Variants in SIPA1L3 observed in about 807,000 individuals in gnomAD.
SIPA1L3 encodes signal induced proliferation associated 1 like 3.
Under a neutral mutation model 150.1 loss-of-function variants are expected in SIPA1L3, and 59 were observed. That is an observed-to-expected ratio of 0.39 (90% CI 0.32 to 0.49). SIPA1L3 has a LOEUF of 0.49. SIPA1L3 is among the 20% of genes least tolerant of loss of function. The pLI is 0.86. For synonymous variants in SIPA1L3, 1,070 were observed against 1,077.6 expected, an observed-to-expected ratio of 0.99 and a Z score of 0.14; for missense variants, 2,211 against 2,489.5, an observed-to-expected ratio of 0.89 and a Z score of 2.38.
intron 2 of SIPA1L3, among the ~76,000 whole-genome samples, chr19:38,034,207 A>G (rs1049770295): frequency 1.3e-5 from 2 of 152,120 alleles, no homozygotes; most frequent in Non-Finnish European, 2.9e-5. Flanking sequence ...AAATGAATTG[A>G]GAGTATCTGT....
At chr19:38,110,524 C>G in intron 8 of SIPA1L3, 140 bp downstream of exon 8, 1 of 579,588 alleles carries the variant, frequency 1.7e-6, no homozygotes. Flanking sequence ...CCCACACCAT[C>G]TCAGAGAGTG....
rs374630193 is a variant in SIPA1L3, at chr19:37,976,104, T to TAAAAAAAAAAA, written c.-378-52981_-378-52971dup. Among the ~76,000 whole-genome samples, 10 of 120,338 alleles carry TAAAAAAAAAAA rather than the reference T, an allele frequency of 8.3e-5. No individual in the cohort carries two copies. The East Asian group carries it at 1.5e-3, about 18-fold the overall frequency. The allele number at this position is 120,338 out of a possible 152,430, so 78.9% of individuals were successfully genotyped here. A position where few individuals can be genotyped will look rare whatever the true frequency, so the allele number is the denominator to read the frequency against. On this transcript the variant is annotated intron_variant, in intron 1 of 21. Transcript: ENST00000222345. ...TGGGTGACAGAGCAAGGCTCTGTCT[T>TAAAAAAAAAAA]AAAAAAAAAAAAAAGAAAGAAAAGA...
chr19:38,053,295 G>A (rs1461390215), intron 2 of SIPA1L3, among the ~76,000 whole-genome samples: 1 of 152,254 alleles, frequency 6.6e-6, no homozygotes, highest in Non-Finnish European at 1.5e-5. Flanking sequence ...GGCCCTTCTT[G>A]TAAAGCAGAC....
chr19:38,058,383 C>T (rs1383113707), intron 2 of SIPA1L3, among the ~76,000 whole-genome samples: 7 of 152,094 alleles, frequency 4.6e-5, no homozygotes, highest in Admixed American at 4.6e-4. Flanking sequence ...CATTCCCACA[C>T]ACCTCTCCCC....
chr19:38,154,197 C>A (rs1971891842), intron 13 of SIPA1L3, among the ~76,000 whole-genome samples: 1 of 152,190 alleles, frequency 6.6e-6, no homozygotes, highest in Non-Finnish European at 1.5e-5. Flanking sequence ...TTTGTGACAG[C>A]CAGCCAGTGA....
chr19:38,039,017 G>A (rs1475757722), intron 2 of SIPA1L3, among the ~76,000 whole-genome samples: 1 of 152,018 alleles, frequency 6.6e-6, no homozygotes, highest in East Asian at 1.9e-4. Flanking sequence ...CTGAGTAGCT[G>A]GACCACAGGC....
intron 18 of SIPA1L3, among the ~76,000 whole-genome samples, chr19:38,194,636 G>A (rs1972880452): frequency 6.6e-6 from 1 of 152,182 alleles, no homozygotes; most frequent in Admixed American, 6.5e-5. Flanking sequence ...CTACCCCAAG[G>A]GTCTCAGCTG....
chr19:38,065,046 C>T (rs190325297), intron 2 of SIPA1L3, among the ~76,000 whole-genome samples: 11 of 152,338 alleles, frequency 7.2e-5, no homozygotes, highest in East Asian at 3.9e-4. Context: ...CATCTCTCTA[C>T]GCAGGCGTGT....
intron 1 of SIPA1L3, among the ~76,000 whole-genome samples, chr19:38,019,786 A>G (rs1411230072): frequency 6.6e-6 from 1 of 152,128 alleles, no homozygotes; most frequent in Non-Finnish European, 1.5e-5. Flanking sequence ...ATCACCAGCT[A>G]TAAGAATAAT....
intron 17 of SIPA1L3, 30 bp downstream of exon 17, chr19:38,192,340 C>T: frequency 6.5e-7 from 1 of 1,550,280 alleles, no homozygotes; most frequent in Non-Finnish European, 8.7e-7. Context: ...CCGCTCCCGA[C>T]CCCCAGCTCC....
At chr19:37,992,632 C>T (rs1165236182) in intron 1 of SIPA1L3, among the ~76,000 whole-genome samples, 4 of 142,742 alleles carry the variant, frequency 2.8e-5, no homozygotes, top group African/African-American at 1.1e-4. Context: ...GCCTGGGCAA[C>T]AAAGTGACAC....
intron 1 of SIPA1L3, among the ~76,000 whole-genome samples, chr19:37,911,298 C>T (rs1257187240): frequency 2.0e-5 from 3 of 151,686 alleles, no homozygotes; most frequent in African/African-American, 7.3e-5. Flanking sequence ...TCCTCCCATA[C>T]CATTCCCCAA....
intron 3 of SIPA1L3, among the ~76,000 whole-genome samples, chr19:38,084,775 G>T (rs990931093): frequency 6.6e-6 from 1 of 151,694 alleles, no homozygotes; most frequent in Non-Finnish European, 1.5e-5. Flanking sequence ...GAGTAGCTGG[G>T]ATTACAGGCG....
At chr19:38,016,117 A>G (rs1169792387) in intron 1 of SIPA1L3, among the ~76,000 whole-genome samples, 1 of 152,186 alleles carries the variant, frequency 6.6e-6, no homozygotes, top group Non-Finnish European at 1.5e-5. Flanking sequence ...AATGATTTAG[A>G]ATTTCAAGAT....
intron 4 of SIPA1L3, among the ~76,000 whole-genome samples, chr19:38,093,555 C>T (rs1439177260): frequency 1.3e-5 from 2 of 152,144 alleles, no homozygotes; most frequent in Non-Finnish European, 2.9e-5. Flanking sequence ...ATGTTCCTTC[C>T]CAGGAGGTCA....
rs1440493344 is a variant in SIPA1L3 at position 38,149,303 on chromosome 19, G to A, written c.3534-3537G>A. ...GTCTTCCCTTGGGAGGCTGAGGAAA[G>A]AGAATATCGCTTGAACCCTGGAAGT... On this transcript the variant is annotated intron_variant, in intron 12 of 21. Coordinates refer to ENST00000222345, the MANE Select transcript of SIPA1L3 (RefSeq NM_015073.3). Among the ~76,000 whole-genome samples, 4 of 152,304 alleles carry A rather than the reference G, an allele frequency of 2.6e-5. 1 individual carries two copies. In the South Asian group the frequency reaches 8.3e-4, roughly 32 times the overall value.
At chr19:38,138,910 A>AAAAAAAAAAAAAAAAAAAAAAAAAAC (rs1343348254) in intron 10 of SIPA1L3, among the ~76,000 whole-genome samples, 1 of 112,786 alleles carries the variant, frequency 8.9e-6, no homozygotes, top group African/African-American at 3.8e-5. Context: ...AAAAAAAAAA[A>AAAAAAAAAAAAAAAAAAAAAAAAAAC]AAAAACTGAG....
intron 2 of SIPA1L3, among the ~76,000 whole-genome samples, chr19:38,034,864 G>C (rs1195239853): frequency 6.6e-6 from 1 of 152,148 alleles, no homozygotes; most frequent in Non-Finnish European, 1.5e-5. Flanking sequence ...TTTCTCTGGA[G>C]GTCTGCTGGT....
chr19:38,184,104 T>C (rs546949562), intron 16 of SIPA1L3, among the ~76,000 whole-genome samples: 1 of 152,204 alleles, frequency 6.6e-6, no homozygotes, highest in South Asian at 2.1e-4. Flanking sequence ...GAGGTTCAGT[T>C]CTAAGTGGTT....
Sources: allele counts gnomAD v4.1 joint callset (sites outside exome capture counted in the v4.1 genomes callset), GRCh38; gene constraint gnomAD v4.1.1; transcripts MANE v1.5; gene names NCBI Gene and HGNC (gene_info 2026-07-23, HGNC 2026-07-21).